KALRN: variants seen among roughly 807,000 people sequenced by gnomAD.
The protein encoded by KALRN is kalirin.
Under a neutral mutation model 353.7 loss-of-function variants are expected in KALRN, and 70 were observed. The observed-to-expected ratio is 0.20, with a 90% CI of 0.16 to 0.24. KALRN has a LOEUF of 0.24. Ranked by LOEUF, KALRN falls within the 10% of genes least tolerant of loss-of-function variation. The probability of loss-of-function intolerance (pLI) is 1.00; values close to 1 mark genes in which losing one functional copy is unlikely to be tolerated. For synonymous variants in KALRN, 1,391 were observed against 1,434.8 expected, an observed-to-expected ratio of 0.97 and a Z score of 0.69; for missense variants, 2,791 against 3,756.7, an observed-to-expected ratio of 0.74 and a Z score of 6.72.
chr3:124,701,384 CTTTCTTTTT>C (rs1483334514), intron 56 of KALRN, among the ~76,000 whole-genome samples: 1 of 122,560 alleles, frequency 8.2e-6, no homozygotes, highest in African/African-American at 3.1e-5. Context: ...TTCTTTCTTT[CTTTCTTTTT>C]TTTTTTTTTT....
intron 33 of KALRN, among the ~76,000 whole-genome samples, chr3:124,524,152 A>G (rs1347270045): frequency 2.0e-5 from 3 of 152,206 alleles, no homozygotes; most frequent in East Asian, 1.9e-4. Flanking sequence ...TGTCTTCTCT[A>G]TGTGGGTTAC....
At chr3:124,452,853 CT>C (rs1384051405) in intron 21 of KALRN, among the ~76,000 whole-genome samples, 1 of 152,186 alleles carries the variant, frequency 6.6e-6, no homozygotes, top group Non-Finnish European at 1.5e-5. Context: ...ATAATTTTCT[CT>C]GGTAGAGCTG....
chr3:124,310,842 G>T (rs1245154885), intron 6 of KALRN, among the ~76,000 whole-genome samples: 1 of 152,032 alleles, frequency 6.6e-6, no homozygotes, highest in African/African-American at 2.4e-5. Flanking sequence ...CAAAATGGGA[G>T]AAAATATTTG....
At chr3:124,099,692 G>T (rs545479784) in intron 1 of KALRN, among the ~76,000 whole-genome samples, 1 of 152,164 alleles carries the variant, frequency 6.6e-6, no homozygotes, top group Non-Finnish European at 1.5e-5. Flanking sequence ...GTGTATAAGA[G>T]TTCCCTTTTC....
intron 11 of KALRN, 69 bp downstream of exon 11, chr3:124,385,105 C>T (rs2088018240): frequency 7.2e-7 from 1 of 1,393,098 alleles, no homozygotes; most frequent in Non-Finnish European, 9.8e-7. Flanking sequence ...AGTAAAATGG[C>T]CCTGAAGGTC....
chr3:124,618,106 TTTTTTTTTTTTTTTTTTTTTG>T (rs1652959801), intron 34 of KALRN, among the ~76,000 whole-genome samples: 2 of 81,468 alleles, frequency 2.5e-5, no homozygotes, highest in African/African-American at 7.9e-5. Context: ...TTTTTTTTTT[TTTTTTTTTTTTTTTTTTTTTG>T]AGATGGAGTC....
intron 38 of KALRN, 86 bp from the exon 39 acceptor site, chr3:124,655,515 C>A (rs771921975): frequency 2.6e-5 from 27 of 1,049,330 alleles, no homozygotes; most frequent in Non-Finnish European, 3.9e-5. Context: ...TATAAAGGTG[C>A]CAAAGTAACT....
chr3:124,488,249 G>T lies in KALRN; in HGVS notation c.4330G>T (p.Gly1444Cys). Reference protein sequence around the residue: ...CEEGKGELKDGLEVMLSVPKK... With the variant: ...CEEGKGELKDCLEVMLSVPKK... ...AGAAGGGAAAGGGGAGCTCAAGGAT[G>T]GCCTGGAGGTGATGCTCAGTGTCCC... The change falls in exon 29 of 60, where the codon GGC becomes TGC. Residue 1444 changes from glycine (G) to cysteine (C), a missense_variant. This residue lies in a region of KALRN where 54 missense variants were observed against 131.7 expected (regional missense o/e 0.41). Coordinates refer to ENST00000682506, the MANE Select transcript of KALRN (RefSeq NM_001388419.1). The T allele has an allele frequency of 6.2e-7, 1 of 1,613,928 alleles. No individual in the cohort carries two copies. Among genetic ancestry groups the T allele is most frequent in the Non-Finnish European group, 8.5e-7 (1 of 1,179,886 alleles).
chr3:124,247,994 AAACAAAAC>A (rs1450682112), intron 3 of KALRN, among the ~76,000 whole-genome samples: 1 of 152,244 alleles, frequency 6.6e-6, no homozygotes, highest in Non-Finnish European at 1.5e-5. Context: ...AGCATTACCT[AAACAAAAC>A]AAGTGATTTG....
chr3:124,505,329 A>C (rs1317341001), intron 33 of KALRN, among the ~76,000 whole-genome samples: 2 of 152,180 alleles, frequency 1.3e-5, no homozygotes, highest in East Asian at 3.9e-4. Flanking sequence ...AAATAAACTT[A>C]AAAACTTTAA....
intron 10 of KALRN, among the ~76,000 whole-genome samples, chr3:124,378,719 A>T (rs1183422801): frequency 1.3e-5 from 2 of 151,940 alleles, no homozygotes; most frequent in East Asian, 3.9e-4. Flanking sequence ...TGTTTCTTTT[A>T]GTACTTTAAA....
intron 32 of KALRN, among the ~76,000 whole-genome samples, chr3:124,494,025 G>A (rs2063452939): frequency 6.6e-6 from 1 of 152,182 alleles, no homozygotes; most frequent in African/African-American, 2.4e-5. Context: ...CAATTACAAA[G>A]AAATGATGGT....
At chr3:124,358,739 A>T (rs2083690641) in intron 10 of KALRN, among the ~76,000 whole-genome samples, 1 of 152,184 alleles carries the variant, frequency 6.6e-6, no homozygotes, top group African/African-American at 2.4e-5. Context: ...CCCATGAGTT[A>T]TTAATATATA....
Position 124,696,264 on chromosome 3 carries a change from T to C in KALRN, c.7699+9T>C, listed in dbSNP as rs200768035. 1.7e-5 allele frequency: 27 copies of C among 1,612,862 alleles called. No homozygotes were observed. The highest frequency in any genetic ancestry group is 2.0e-5 in the Non-Finnish European group (23 of 1,179,186). ...AACAGTCAAAGTGCAAGGTACAGCCTCTTTGTTAGTCAAACCTTTTGAAAT... is the reference window on the plus strand; with the variant it reads ...AACAGTCAAAGTGCAAGGTACAGCCCCTTTGTTAGTCAAACCTTTTGAAAT... On this transcript the variant is annotated intron_variant, in intron 54 of 59. Transcript: ENST00000682506.
chr3:124,047,665 T>TA (rs1228524199), intron 1 of KALRN, among the ~76,000 whole-genome samples: 1 of 139,926 alleles, frequency 7.1e-6, no homozygotes, highest in Non-Finnish European at 1.6e-5. Context: ...GCTAATTTTT[T>TA]TTTATTTTTT....
chr3:124,307,403 T>A (rs953220899), intron 6 of KALRN, among the ~76,000 whole-genome samples: 3 of 152,164 alleles, frequency 2.0e-5, no homozygotes, highest in Admixed American at 6.5e-5. Context: ...ATAAAAGACA[T>A]AAAATTACAG....
In KALRN at chr3:124,446,178, C is replaced by A; in HGVS notation, c.3331C>A (p.Leu1111Met). Residue 1111 changes from leucine to methionine, a missense_variant, in exon 20 of 60, where the codon CTG becomes ATG. Transcript: ENST00000682506. The stretch of plus-strand genomic sequence containing the variant: ...GCCCACAGCCATCCTGAGTGAGCTC[C>A]TGCAGAGGGAGAATCGCGTGCTGCA... ...QQVKAILSEL[L>M]QRENRVLHFW... 6.2e-7 allele frequency: 1 copy of A among 1,613,838 alleles called. No individual in the cohort carries two copies. Among genetic ancestry groups the A allele is most frequent in the Non-Finnish European group, 8.5e-7 (1 of 1,179,706 alleles).
intron 34 of KALRN, among the ~76,000 whole-genome samples, chr3:124,594,962 A>T (rs1234093410): frequency 2.0e-5 from 3 of 151,088 alleles, no homozygotes; most frequent in East Asian, 1.9e-4. Context: ...CTTTTTTTAA[A>T]TTTTTTTAAA....
chr3:124,560,249 G>A (rs144296953), intron 33 of KALRN, among the ~76,000 whole-genome samples: 1 of 152,344 alleles, frequency 6.6e-6, no homozygotes, highest in African/African-American at 2.4e-5. Flanking sequence ...ACTCATCCCT[G>A]GATTCAACCA....
Sources: gnomAD v4.1 joint callset for allele counts (sites outside exome capture counted in the v4.1 genomes callset) on GRCh38, gnomAD v4.1.1 for gene constraint, gnomAD v4.1.1 regional missense constraint, MANE v1.5 for transcripts, NCBI Gene and HGNC (gene_info 2026-07-23, HGNC 2026-07-21) for gene names.